SEC22C: variants seen among roughly 807,000 people sequenced by gnomAD.
SEC22C encodes the protein vesicle-trafficking protein SEC22c.
Under a neutral mutation model 34.7 loss-of-function variants are expected in SEC22C, and 29 were observed. The observed-to-expected ratio is 0.84, with a 90% confidence interval of 0.62 to 1.14. The LOEUF (loss-of-function observed/expected upper bound fraction) is 1.14. SEC22C is among the 50% of genes most tolerant of loss of function. The pLI, the probability that SEC22C is intolerant of heterozygous loss-of-function variation, is 0.00. For missense variants in SEC22C, 337 were observed against 369.0 expected (o/e 0.91, Z 0.71); for synonymous variants, 117 against 132.8 (o/e 0.88, Z 0.82).
intron 1 of SEC22C, among the ~76,000 whole-genome samples, chr3:42,576,773 A>G (rs1421750612): frequency 1.3e-5 from 2 of 152,056 alleles, no homozygotes; most frequent in Non-Finnish European, 2.9e-5. Flanking sequence ...GGCTATAGAT[A>G]AGATTATTCT....
upstream of SEC22C, among the ~76,000 whole-genome samples, chr3:42,586,801 C>T (rs552683798): frequency 6.6e-6 from 1 of 152,320 alleles, no homozygotes; most frequent in African/African-American, 2.4e-5. Context: ...GCCTTTGTCC[C>T]TGAGTTTCAG....
intron 5 of SEC22C, 45 bp downstream of exon 5, chr3:42,557,531 CAT>C (rs1702597924): frequency 1.1e-6 from 1 of 872,518 alleles, no homozygotes; most frequent in African/African-American, 1.8e-5. Context: ...TTTCTTCTAT[CAT>C]ATGTCCTTCA....
chr3:42,565,510 CAG>C (rs1306254154), intron 2 of SEC22C, among the ~76,000 whole-genome samples: 1 of 152,140 alleles, frequency 6.6e-6, no homozygotes, highest in East Asian at 1.9e-4. Flanking sequence ...CTCAAAGAAA[CAG>C]AGTCTTTGAA....
In SEC22C at chr3:42,552,777, G is replaced by A. The variant is rs1702311493; in HGVS notation, c.*471C>T. The A allele has an allele frequency of 4.1e-6, 4 of 983,438 alleles. No individual in the cohort carries two copies. The highest frequency in any genetic ancestry group is 5.2e-4 in the Middle Eastern group (1 of 1,912). The allele number at this position is 983,438 out of a possible 1,614,324, so 60.9% of individuals were successfully genotyped here. On this transcript the variant is annotated 3_prime_UTR_variant, in exon 7 of 7. Transcript: ENST00000264454. Reference sequence around the variant, plus strand: ...CTTACATTTATGAACCATATTTTTAGGTTTTTAATTCATCCTGTACTGACC... The same window carrying A: ...CTTACATTTATGAACCATATTTTTAAGTTTTTAATTCATCCTGTACTGACC...
At chr3:42,597,953 A>G (rs1033334367) in intron 1 of SEC22C, among the ~76,000 whole-genome samples, 8 of 152,248 alleles carry the variant, frequency 5.3e-5, no homozygotes, top group Admixed American at 3.3e-4. Context: ...ATGTGGAAAA[A>G]TTGGAAACTT....
At chr3:42,557,279 C>T (rs181948071) in intron 5 of SEC22C, among the ~76,000 whole-genome samples, 3 of 152,192 alleles carry the variant, frequency 2.0e-5, no homozygotes, top group African/African-American at 7.2e-5. Context: ...GTAAATAATC[C>T]AGTCCCTGGA....
At chr3:42,578,193 C>T (rs1487872979) in intron 1 of SEC22C, among the ~76,000 whole-genome samples, 1 of 152,026 alleles carries the variant, frequency 6.6e-6, no homozygotes, top group African/African-American at 2.4e-5. Context: ...TTAAACAAAC[C>T]GCAGTATATT....
At position 42,572,479 on chromosome 3, in the gene SEC22C, G is replaced by C. The variant is rs149092548; in HGVS notation, c.-27-3406C>G. On this transcript the variant is annotated intron_variant, in intron 1 of 6. Coordinates refer to ENST00000264454, the MANE Select transcript of SEC22C (RefSeq NM_032970.4). Reference sequence around the variant, plus strand: ...GTAGCATCAGAGAAGGCCAAGTAGGGGGCTAGAGGGCAGTAATGAGCCATT... The same window carrying C: ...GTAGCATCAGAGAAGGCCAAGTAGGCGGCTAGAGGGCAGTAATGAGCCATT... Among the ~76,000 whole-genome samples the C allele has an allele frequency of 2.2e-3, 331 of 152,214 alleles. 1 individual carries two copies. Among genetic ancestry groups the C allele is most frequent in the African/African-American group, 7.2e-3 (300 of 41,516 alleles).
intron 2 of SEC22C, among the ~76,000 whole-genome samples, chr3:42,567,597 A>C (rs1265092525): frequency 6.6e-6 from 1 of 152,240 alleles, no homozygotes; most frequent in Non-Finnish European, 1.5e-5. Context: ...ACTCAATAAT[A>C]TCAGTTATTG....
Position 42,550,744 on chromosome 3 carries a change from T to C in SEC22C, c.*2504A>G. 25 of 985,356 alleles carry C rather than the reference T, an allele frequency of 2.5e-5. No individual in the cohort carries two copies. The highest frequency in any genetic ancestry group is 3.0e-5 in the Non-Finnish European group (25 of 829,936). 61.0% of individuals were successfully genotyped at this position (985,356 alleles called of 1,614,324 possible). A position where few individuals can be genotyped will look rare whatever the true frequency, so the allele number is the denominator to read the frequency against. On this transcript the variant is annotated 3_prime_UTR_variant, in exon 7 of 7. Transcript: ENST00000264454. ...AGGACTCATCTTCAAGGACCGTTTC[T>C]TTACTGCCTGCTGAATATGGATCAT...
In SEC22C at chr3:42,551,591, G is replaced by T; in HGVS notation, c.*1657C>A. 1 of 727,124 alleles carries T rather than the reference G, an allele frequency of 1.4e-6. No homozygotes were observed. Among genetic ancestry groups the T allele is most frequent in the Non-Finnish European group, 1.7e-6 (1 of 594,450 alleles). The allele number at this position is 727,124 out of a possible 1,614,324, so 45.0% of individuals were successfully genotyped here. ...GGCCTCAACCGAGTCTCCTGCTTTG[G>T]CCTTCCAAAGTGCTGGGAATACAGG... On this transcript the variant is annotated 3_prime_UTR_variant, in exon 7 of 7. Transcript: ENST00000264454.
intron 2 of SEC22C, chr3:42,563,967 A>G: frequency 7.6e-7 from 1 of 1,324,112 alleles, no homozygotes; most frequent in Non-Finnish European, 9.9e-7. Context: ...AATTAGCCTC[A>G]GACTTCTCCA....
At chr3:42,599,668 G>T (rs1441090616) in intron 1 of SEC22C, among the ~76,000 whole-genome samples, 1 of 151,376 alleles carries the variant, frequency 6.6e-6, no homozygotes, top group Non-Finnish European at 1.5e-5. Context: ...CTCCAGCCTG[G>T]GCGACAGAGC....
rs780024918 is a variant in SEC22C, at chr3:42,553,264, G to A, written c.896C>T (p.Ser299Phe). ...ILTRQLQEKQ[S>F]DCGV ...GTGTCATCCTCATACTCCACAGTCA[G>A]ACTGCTTCTCCTGAAGCTGCCTTGT... Residue 299 changes from serine to phenylalanine, a missense_variant, in exon 7 of 7, where the codon TCT becomes TTT. Coordinates refer to ENST00000264454, the MANE Select transcript of SEC22C (RefSeq NM_032970.4). 1 of 1,614,108 alleles carries A rather than the reference G, an allele frequency of 6.2e-7. No homozygotes were observed.
At chr3:42,580,273 G>A (rs1396486751) in intron 1 of SEC22C, among the ~76,000 whole-genome samples, 3 of 152,194 alleles carry the variant, frequency 2.0e-5, no homozygotes, top group African/African-American at 7.2e-5. Flanking sequence ...CAGAGAGAAA[G>A]AGAGAGATGA....
chr3:42,552,987 T>C lies in SEC22C; in HGVS notation c.*261A>G. 1 of 1,275,702 alleles carries C rather than the reference T, an allele frequency of 7.8e-7. No homozygotes were observed. Among genetic ancestry groups the C allele is most frequent in the Non-Finnish European group, 9.9e-7 (1 of 1,010,250 alleles). 79.0% of individuals were successfully genotyped at this position (1,275,702 alleles called of 1,614,324 possible). On this transcript the variant is annotated 3_prime_UTR_variant, in exon 7 of 7. Coordinates refer to ENST00000264454, the MANE Select transcript of SEC22C (RefSeq NM_032970.4). ...CTCTTCCAATAAAGCTCTTTCTGGA[T>C]GAGCCCCCAGATCCAGCTGTCCTAG...
At chr3:42,577,014 A>T (rs1038832209) in intron 1 of SEC22C, among the ~76,000 whole-genome samples, 4 of 152,318 alleles carry the variant, frequency 2.6e-5, no homozygotes, top group South Asian at 2.1e-4. Flanking sequence ...TGCAAAAGTA[A>T]TTTAAGGGAG....
chr3:42,561,917 C>A (rs1052363780), intron 3 of SEC22C, among the ~76,000 whole-genome samples: 6 of 151,600 alleles, frequency 4.0e-5, no homozygotes, highest in African/African-American at 7.3e-5. Context: ...TCTGATAGTA[C>A]GGTACAACCC....
At chr3:42,560,096 TTCTCTCTCTC>T (rs4016302) in intron 4 of SEC22C, among the ~76,000 whole-genome samples, 257 of 138,700 alleles carry the variant, frequency 1.9e-3, no homozygotes, top group African/African-American at 4.7e-3. Context: ...ATGATAAGGA[TTCTCTCTCTC>T]TCTCTCTCTC....
Sources: gnomAD v4.1 joint callset for allele counts (sites outside exome capture counted in the v4.1 genomes callset) on GRCh38, gnomAD v4.1.1 for gene constraint, MANE v1.5 for transcripts, NCBI Gene and HGNC (gene_info 2026-07-23, HGNC 2026-07-21) for gene names.